Variants in CHRM3 observed in about 807,000 individuals in gnomAD.
CHRM3 encodes cholinergic receptor muscarinic 3.
CHRM3 carries 11 observed loss-of-function variants against 41.8 expected under a neutral mutation model. That is an observed-to-expected ratio of 0.26 (90% CI 0.17 to 0.44). The LOEUF (loss-of-function observed/expected upper bound fraction) is 0.44. Among genes scored for constraint, CHRM3 ranks in the 20% least tolerant of loss-of-function variants. The pLI, the probability that CHRM3 is intolerant of heterozygous loss-of-function variation, is 1.00. For missense variants in CHRM3, 571 were observed against 745.4 expected (o/e 0.77, Z 2.72); for synonymous variants, 297 against 301.4 (o/e 0.99, Z 0.15).
chr1:239,468,760 G>A (rs1399068361), intron 1 of CHRM3, among the ~76,000 whole-genome samples: 3 of 152,044 alleles, frequency 2.0e-5, no homozygotes, highest in East Asian at 3.9e-4. Context: ...ATCTTTTTAT[G>A]TACTAAAACC....
chr1:239,484,003 C>T (rs1003621972), intron 1 of CHRM3, among the ~76,000 whole-genome samples: 2 of 152,134 alleles, frequency 1.3e-5, no homozygotes, highest in East Asian at 1.9e-4. Context: ...ATGCTATTAA[C>T]GAAGTAAGTG....
intron 6 of CHRM3, among the ~76,000 whole-genome samples, chr1:239,864,867 T>C (rs776470067): frequency 5.3e-5 from 8 of 152,160 alleles, no homozygotes; most frequent in Non-Finnish European, 1.0e-4. Context: ...GGTGACACAT[T>C]AATGTTGTCA....
At chr1:239,659,900 T>C (rs966435248) in intron 4 of CHRM3, among the ~76,000 whole-genome samples, 2 of 152,208 alleles carry the variant, frequency 1.3e-5, no homozygotes, top group Non-Finnish European at 2.9e-5. Context: ...CAAATATCTA[T>C]CATTTGCAAA....
chr1:239,731,510 T>C (rs951190557), intron 5 of CHRM3, among the ~76,000 whole-genome samples: 5 of 151,992 alleles, frequency 3.3e-5, no homozygotes, highest in Admixed American at 6.6e-5. Flanking sequence ...TATTCTTATA[T>C]GCCGTTAGTA....
chr1:239,714,421 C>A (rs6663632), intron 5 of CHRM3, among the ~76,000 whole-genome samples: 74,149 of 151,922 alleles, frequency 0.49, 18,464 homozygotes, highest in African/African-American at 0.56. Flanking sequence ...GCTCAGGGGA[C>A]GTTTCTTCTT....
intron 5 of CHRM3, among the ~76,000 whole-genome samples, chr1:239,694,689 G>A (rs1164887215): frequency 6.6e-6 from 1 of 152,116 alleles, no homozygotes; most frequent in Non-Finnish European, 1.5e-5. Flanking sequence ...TTGCCCATTG[G>A]TGGGCATATG....
chr1:239,502,994 T>C (rs908584614), intron 2 of CHRM3, among the ~76,000 whole-genome samples: 2 of 152,072 alleles, frequency 1.3e-5, no homozygotes, highest in Non-Finnish European at 2.9e-5. Context: ...CTCTGAAAAC[T>C]GGAACAAGAC....
intron 1 of CHRM3, among the ~76,000 whole-genome samples, chr1:239,390,740 G>A (rs547181657): frequency 1.6e-4 from 24 of 152,102 alleles, no homozygotes; most frequent in Non-Finnish European, 2.9e-4. Context: ...TTTCATCAGT[G>A]AACTAGCACC....
intron 2 of CHRM3, among the ~76,000 whole-genome samples, chr1:239,518,996 G>A (rs1558284201): frequency 6.6e-6 from 1 of 152,110 alleles, no homozygotes; most frequent in Non-Finnish European, 1.5e-5. Flanking sequence ...AGGGAAAATA[G>A]CATTTCACTT....
intron 5 of CHRM3, among the ~76,000 whole-genome samples, chr1:239,737,153 G>A (rs550224647): frequency 6.6e-6 from 1 of 151,980 alleles, no homozygotes. Context: ...ACAATGATGT[G>A]CCTAAATCTA....
At chr1:239,689,473 A>G (rs1659500473) in intron 5 of CHRM3, among the ~76,000 whole-genome samples, 3 of 152,186 alleles carry the variant, frequency 2.0e-5, no homozygotes, top group African/African-American at 7.2e-5. Context: ...AATAAGAGTT[A>G]AAAGGATTAC....
chr1:239,842,849 G>A (rs1673932865), intron 6 of CHRM3, among the ~76,000 whole-genome samples: 1 of 152,120 alleles, frequency 6.6e-6, no homozygotes, highest in African/African-American at 2.4e-5. Context: ...CATTCCCATG[G>A]TCACCATCCG....
intron 3 of CHRM3, among the ~76,000 whole-genome samples, chr1:239,585,054 T>TATAC (rs760786421): frequency 2.9e-4 from 30 of 104,062 alleles, no homozygotes; most frequent in African/African-American, 2.3e-3. Flanking sequence ...AACAATTAAA[T>TATAC]ATATATATAT....
intron 4 of CHRM3, among the ~76,000 whole-genome samples, chr1:239,662,105 A>ATGTGTG (rs57202092): frequency 0.029 from 4,207 of 144,786 alleles, 77 homozygotes; most frequent in East Asian, 0.076. Flanking sequence ...TCAGTTTTAG[A>ATGTGTG]TGTGTGTGTG....
chr1:239,706,926 A>G (rs1377709202), intron 5 of CHRM3: 1 of 152,262 alleles, frequency 6.6e-6, no homozygotes, highest in Non-Finnish European at 1.5e-5. Flanking sequence ...TGGATTTATC[A>G]TCATAAATAG....
chr1:239,629,890 T>TC (rs1669608775), intron 3 of CHRM3, among the ~76,000 whole-genome samples: 1 of 152,198 alleles, frequency 6.6e-6, no homozygotes, highest in African/African-American at 2.4e-5. Context: ...GAATTGCCAA[T>TC]CTTAGTTTGA....
At chr1:239,895,281 G>T (rs368903112) in intron 6 of CHRM3, among the ~76,000 whole-genome samples, 2 of 151,926 alleles carry the variant, frequency 1.3e-5, no homozygotes, top group African/African-American at 2.4e-5. Context: ...CATCCCTCCC[G>T]AGTGCCACTG....
chr1:239,828,205 G>C (rs1317566038), intron 6 of CHRM3, among the ~76,000 whole-genome samples: 2 of 151,896 alleles, frequency 1.3e-5, no homozygotes, highest in African/African-American at 4.8e-5. Flanking sequence ...CATAGATATA[G>C]ACACATACAT....
At chr1:239,744,731 T>C (rs1467053063) in intron 5 of CHRM3, among the ~76,000 whole-genome samples, 3 of 151,864 alleles carry the variant, frequency 2.0e-5, no homozygotes, top group Admixed American at 6.6e-5. Context: ...CATAGGTAGA[T>C]GTAAGAGTCA....
Sources: allele counts gnomAD v4.1 joint callset (sites outside exome capture counted in the v4.1 genomes callset), GRCh38; gene constraint gnomAD v4.1.1; transcripts MANE v1.5; gene names NCBI Gene and HGNC (gene_info 2026-07-23, HGNC 2026-07-21).